Variants in SCD5 observed in about 807,000 individuals in gnomAD.
SCD5 encodes the protein stearoyl-CoA desaturase 5.
SCD5 carries 20 observed loss-of-function variants against 30.4 expected under a neutral mutation model. The ratio of observed to expected loss-of-function variants is 0.66; its 90% CI spans 0.46 to 0.96. SCD5 has a LOEUF of 0.96. SCD5 is among the 40% of genes least tolerant of loss of function. The pLI is 0.00. For synonymous variants in SCD5, 173 were observed against 176.4 expected (o/e 0.98, Z 0.16); for missense variants, 381 against 443.3 (o/e 0.86, Z 1.26).
intron 1 of SCD5, among the ~76,000 whole-genome samples, chr4:82,729,304 C>G (rs1157966999): frequency 6.6e-6 from 1 of 152,106 alleles, no homozygotes; most frequent in African/African-American, 2.4e-5. Flanking sequence ...AGGGGCTGTA[C>G]CTATGGTGGT....
intron 3 of SCD5, 105 bp from the exon 4 acceptor site, chr4:82,636,928 T>G (rs1348536326): frequency 2.1e-6 from 2 of 932,192 alleles, no homozygotes; most frequent in African/African-American, 3.3e-5. Context: ...GAGAGAACTG[T>G]GCCAGTCAGC....
chr4:82,655,327 A>G (rs770954859), intron 3 of SCD5, among the ~76,000 whole-genome samples: 8 of 152,218 alleles, frequency 5.3e-5, no homozygotes, highest in Non-Finnish European at 1.2e-4. Context: ...CAAGGTGGAA[A>G]AAGGCTTTAA....
rs779428065 is a variant in SCD5 at position 82,705,388 on chromosome 4, A to C, written c.258T>G (p.Ala86=). 6.2e-7 allele frequency: 1 copy of C among 1,614,108 alleles called. No homozygotes were observed. The highest frequency in any genetic ancestry group is 1.3e-5 in the African/African-American group (1 of 74,952). Reference sequence around the variant, plus strand: ...GATGGGCACCAGCTGTCACACCCAGAGCGGCCAGGAGGAAGCAGAAGTAGG... The same window carrying C: ...GATGGGCACCAGCTGTCACACCCAGCGCGGCCAGGAGGAAGCAGAAGTAGG... ...LWAYFCFLLA[A]LGVTAGAHRL... The change falls in exon 2 of 5, where the codon GCT becomes GCG. Residue 86 remains alanine (A), a synonymous_variant. Coordinates refer to ENST00000319540, the MANE Select transcript of SCD5 (RefSeq NM_001037582.3).
At chr4:82,675,052 T>C (rs1728407761) in intron 3 of SCD5, among the ~76,000 whole-genome samples, 1 of 152,148 alleles carries the variant, frequency 6.6e-6, no homozygotes, top group Admixed American at 6.5e-5. Flanking sequence ...GTGGATACAT[T>C]TGTCATTATA....
chr4:82,733,553 T>C (rs1720687876), intron 1 of SCD5, among the ~76,000 whole-genome samples: 1 of 152,040 alleles, frequency 6.6e-6, no homozygotes, highest in South Asian at 2.1e-4. Flanking sequence ...CCAATAAATA[T>C]TACCTTATTA....
intron 1 of SCD5, among the ~76,000 whole-genome samples, chr4:82,761,692 CTAGCA>C (rs1721371588): frequency 6.6e-6 from 1 of 152,078 alleles, no homozygotes; most frequent in South Asian, 2.1e-4. Flanking sequence ...AACTCGTCAT[CTAGCA>C]TTAGGTATAT....
chr4:82,696,975 T>TA (rs1424218771), intron 2 of SCD5, among the ~76,000 whole-genome samples: 2 of 152,226 alleles, frequency 1.3e-5, no homozygotes, highest in Non-Finnish European at 2.9e-5. Context: ...AGAAAAGAAT[T>TA]AGACTCGTGG....
chr4:82,753,879 C>T (rs1357176129), intron 1 of SCD5, among the ~76,000 whole-genome samples: 1 of 152,090 alleles, frequency 6.6e-6, no homozygotes, highest in Non-Finnish European at 1.5e-5. Context: ...GAAAATGTCA[C>T]ATCCGAGGCT....
At chr4:82,661,672 C>T (rs1460640192) in intron 3 of SCD5, among the ~76,000 whole-genome samples, 1 of 152,148 alleles carries the variant, frequency 6.6e-6, no homozygotes, top group Non-Finnish European at 1.5e-5. Flanking sequence ...CCTTCAGATG[C>T]CTCTTGTTTA....
chr4:82,666,692 T>A (rs566195876), intron 3 of SCD5, among the ~76,000 whole-genome samples: 2 of 152,336 alleles, frequency 1.3e-5, no homozygotes, highest in African/African-American at 4.8e-5. Flanking sequence ...ACATAAATAT[T>A]TAAATGTTGC....
At chr4:82,788,302 C>T (rs1474308993) in intron 1 of SCD5, among the ~76,000 whole-genome samples, 1 of 152,170 alleles carries the variant, frequency 6.6e-6, no homozygotes, top group Non-Finnish European at 1.5e-5. Context: ...AGTGTCCAAC[C>T]CTGATCAGGC....
chr4:82,709,053 G>C (rs559747621), intron 1 of SCD5, among the ~76,000 whole-genome samples: 1 of 152,148 alleles, frequency 6.6e-6, no homozygotes, highest in Non-Finnish European at 1.5e-5. Context: ...AAACTTGACA[G>C]TGATAGAGCC....
At chr4:82,639,064 G>GA (rs1727488947) in intron 3 of SCD5, among the ~76,000 whole-genome samples, 1 of 152,202 alleles carries the variant, frequency 6.6e-6, no homozygotes, top group African/African-American at 2.4e-5. Context: ...CCTTGCAACT[G>GA]AAAAAACATA....
chr4:82,766,359 G>A (rs889608690), intron 1 of SCD5, among the ~76,000 whole-genome samples: 2 of 151,804 alleles, frequency 1.3e-5, no homozygotes, highest in South Asian at 2.1e-4. Context: ...TTATTTTTTT[G>A]CAGTGTGTAA....
intron 1 of SCD5, among the ~76,000 whole-genome samples, chr4:82,746,204 T>C (rs1720978762): frequency 6.6e-6 from 1 of 152,210 alleles, no homozygotes; most frequent in African/African-American, 2.4e-5. Flanking sequence ...CTGAATCGTT[T>C]CCATTATCAC....
intron 3 of SCD5, among the ~76,000 whole-genome samples, chr4:82,662,678 G>A (rs193260398): frequency 2.6e-5 from 4 of 151,824 alleles, no homozygotes; most frequent in Admixed American, 2.6e-4. Flanking sequence ...TGGCCAACAT[G>A]GTGAAACCCT....
At chr4:82,730,879 C>T (rs1008820878) in intron 1 of SCD5, among the ~76,000 whole-genome samples, 1 of 152,128 alleles carries the variant, frequency 6.6e-6, no homozygotes, top group Admixed American at 6.5e-5. Context: ...CCACAGCGCC[C>T]AGCTGTATTT....
intron 1 of SCD5, among the ~76,000 whole-genome samples, chr4:82,711,417 A>G (rs1459701988): frequency 6.6e-6 from 1 of 152,200 alleles, no homozygotes; most frequent in Non-Finnish European, 1.5e-5. Flanking sequence ...GAAGCTGCCT[A>G]TGTACAGAAT....
At chr4:82,672,277 A>G (rs888548379) in intron 3 of SCD5, among the ~76,000 whole-genome samples, 1 of 152,144 alleles carries the variant, frequency 6.6e-6, no homozygotes, top group Non-Finnish European at 1.5e-5. Flanking sequence ...GGTTCTTTGA[A>G]TCAATTAATA....
Sources: allele counts gnomAD v4.1 joint callset (sites outside exome capture counted in the v4.1 genomes callset), GRCh38; gene constraint gnomAD v4.1.1; transcripts MANE v1.5; gene names NCBI Gene and HGNC (gene_info 2026-07-23, HGNC 2026-07-21).